Variants in ANKRD26 observed in about 807,000 individuals in gnomAD.
The protein encoded by ANKRD26 is ankyrin repeat domain 26, also known as ankyrin repeat domain-containing protein 26.
ANKRD26 carries 141 observed loss-of-function variants against 208.7 expected under a neutral mutation model. The observed-to-expected ratio is 0.68, with a 90% CI of 0.59 to 0.78. The LOEUF (loss-of-function observed/expected upper bound fraction) is 0.78. ANKRD26 is among the 30% of genes least tolerant of loss of function. The pLI, the probability that ANKRD26 is intolerant of heterozygous loss-of-function variation, is 0.00. For synonymous variants in ANKRD26, 636 were observed against 660.4 expected, an observed-to-expected ratio of 0.96 and a Z score of 0.57; for missense variants, 1,889 against 1,938.7, an observed-to-expected ratio of 0.97 and a Z score of 0.48.
the ANKRD26 span, among the ~76,000 whole-genome samples, chr10:26,957,411 CAAAA>C: frequency 6.6e-6 from 1 of 151,914 alleles, no homozygotes; most frequent in Non-Finnish European, 1.5e-5. Context: ...ATAAAACAGA[CAAAA>C]AGAAAGACGA....
the ANKRD26 span, among the ~76,000 whole-genome samples, chr10:26,955,373 A>G: frequency 3.3e-5 from 5 of 152,122 alleles, no homozygotes; most frequent in African/African-American, 1.2e-4. Context: ...GGTTGCAGTG[A>G]GCCGAGATCG....
At chr10:26,980,702 T>C (rs981891966) in exon 5 of ANKRD26, among the ~76,000 whole-genome samples, 3 of 152,120 alleles carry the variant, frequency 2.0e-5, no homozygotes, top group Middle Eastern at 3.2e-3. Flanking sequence ...GACGGAGTTG[T>C]AGAAGTAGAC....
At position 27,028,851 on chromosome 10, in the gene ANKRD26, C is replaced by T. The variant is rs1323620709; in HGVS notation, c.3972+1G>A. The T allele has an allele frequency of 1.9e-6, 3 of 1,611,922 alleles. No individual in the cohort carries two copies. Among genetic ancestry groups the T allele is most frequent in the Non-Finnish European group, 2.5e-6 (3 of 1,178,414 alleles). Reference sequence around the variant, plus strand: ...CGACAGAAATTAAGTGGCTGACTTACCAAATTTGCATTTAACAGGTTTTTC... The same window carrying T: ...CGACAGAAATTAAGTGGCTGACTTATCAAATTTGCATTTAACAGGTTTTTC... On this transcript the variant is annotated splice_donor_variant, in intron 27 of 33. Coordinates refer to ENST00000376087, the MANE Select transcript of ANKRD26 (RefSeq NM_014915.3). LOFTEE classifies it high-confidence loss of function.
chr10:27,035,585 G>A lies in ANKRD26; in HGVS notation c.2865C>T (p.Asp955=). Residue 955 remains aspartate (D), a synonymous_variant, in exon 24 of 34, where the codon GAC becomes GAT. Transcript: ENST00000376087. The part of the protein sequence containing the change: ...DLKIVKEKNE[D]LQKTIKQNEE... Reference sequence around the variant, plus strand: ...CATTCTGTTTTATAGTCTTCTGAAGGTCTTCATTCTTTTCTTTTACAATTT... The same window carrying A: ...CATTCTGTTTTATAGTCTTCTGAAGATCTTCATTCTTTTCTTTTACAATTT... 1 of 1,608,526 alleles carries A rather than the reference G, an allele frequency of 6.2e-7. No individual in the cohort carries two copies.
chr10:27,072,343 G>A (rs564664290), intron 9 of ANKRD26, among the ~76,000 whole-genome samples: 1 of 152,318 alleles, frequency 6.6e-6, no homozygotes, highest in African/African-American at 2.4e-5. Flanking sequence ...TTGTGCAGCA[G>A]AGGCAGCTGA....
At chr10:27,001,830 G>A (rs1003918103), downstream of ANKRD26, among the ~76,000 whole-genome samples, 11 of 152,176 alleles carry the variant, frequency 7.2e-5, no homozygotes, top group Non-Finnish European at 1.2e-4. Context: ...TTTTCAGGCT[G>A]CTCCTTGTTA....
chr10:27,042,176 G>C (rs1285022587), intron 20 of ANKRD26, among the ~76,000 whole-genome samples: 1 of 152,132 alleles, frequency 6.6e-6, no homozygotes, highest in African/African-American at 2.4e-5. Flanking sequence ...TTTGACAAAG[G>C]CACAATGGCA....
At chr10:27,085,832 T>C (rs2056096240) in intron 5 of ANKRD26, among the ~76,000 whole-genome samples, 1 of 152,326 alleles carries the variant, frequency 6.6e-6, no homozygotes, top group Non-Finnish European at 1.5e-5. Context: ...CTACTCAACA[T>C]GATGACAACC....
At chr10:27,062,565 A>G (rs2055096565) in intron 12 of ANKRD26, among the ~76,000 whole-genome samples, 1 of 152,174 alleles carries the variant, frequency 6.6e-6, no homozygotes, top group East Asian at 1.9e-4. Context: ...TTTATGTTAG[A>G]TTGCCCTCTT....
In ANKRD26 at chr10:27,063,988, C is replaced by G; in HGVS notation, c.1363G>C (p.Asp455His). ...EKNIGNEQAE[D>H]VFYIPSCMSG... ...TTTAAAAATGAAATATAGCTCTTAC[C>G]TTCTGCTTGTTCATTTCCTATATTT... is the stretch of plus-strand genomic sequence containing the variant. The change falls in exon 12 of 34, where the codon GAT becomes CAT. Residue 455 changes from aspartate (D) to histidine (H), a missense_variant and splice_region_variant. Asp to His is a moderately conservative substitution (Grantham distance 81, BLOSUM62 -1). Coordinates refer to ENST00000376087, the MANE Select transcript of ANKRD26 (RefSeq NM_014915.3). The G allele has an allele frequency of 1.2e-6, 2 of 1,601,804 alleles. No homozygotes were observed. The highest frequency in any genetic ancestry group is 1.7e-6 in the Non-Finnish European group (2 of 1,172,220).
intron 28 of ANKRD26, among the ~76,000 whole-genome samples, chr10:27,023,255 T>C (rs1028551106): frequency 6.6e-6 from 1 of 151,232 alleles, no homozygotes; most frequent in East Asian, 1.9e-4. Flanking sequence ...GCCAGGAGAA[T>C]GGCTTGAACC....
At chr10:27,048,694 C>T in intron 17 of ANKRD26, 107 bp downstream of exon 17, 3 of 1,193,932 alleles carry the variant, frequency 2.5e-6, no homozygotes, top group Non-Finnish European at 3.6e-6. Flanking sequence ...GTTGCATATC[C>T]CTTGCATAGT....
intron 32 of ANKRD26, among the ~76,000 whole-genome samples, chr10:27,008,926 G>C (rs1185777700): frequency 6.6e-6 from 1 of 152,050 alleles, no homozygotes; most frequent in African/African-American, 2.4e-5. Context: ...TGTAACCTCT[G>C]CCTCCTGGGT....
intron 24 of ANKRD26, 62 bp from the exon 25 acceptor site, chr10:27,033,439 T>C (rs1038542685): frequency 1.4e-5 from 20 of 1,468,124 alleles, no homozygotes; most frequent in Non-Finnish European, 1.9e-5. Flanking sequence ...TGTTAAAAAA[T>C]AAATTATGTT....
rs771599758 is a variant in ANKRD26 at position 27,040,108 on chromosome 10, A to AT, written c.2231dup (p.Asn744LysfsTer4). 1.1e-5 allele frequency: 17 copies of AT among 1,612,546 alleles called. No individual in the cohort carries two copies. Among genetic ancestry groups the AT allele is most frequent in the African/African-American group, 2.7e-5 (2 of 74,834 alleles). On this transcript the variant is annotated frameshift_variant, in exon 21 of 34. Transcript: ENST00000376087. LOFTEE classifies it high-confidence loss of function. ...TTTTTACTGTAAGTAGTTCACAGTG[A>AT]TTTTTTTTAAGTTCTAATAATCTTT...
chr10:27,056,384 G>A (rs974669592), intron 15 of ANKRD26, among the ~76,000 whole-genome samples: 2 of 151,962 alleles, frequency 1.3e-5, no homozygotes, highest in African/African-American at 4.8e-5. Context: ...CACCATGTGG[G>A]CCAGGCTGGT....
chr10:27,019,358 T>C (rs760198919), intron 29 of ANKRD26, among the ~76,000 whole-genome samples: 4 of 151,896 alleles, frequency 2.6e-5, no homozygotes, highest in Non-Finnish European at 5.9e-5. Context: ...GCAAAGGAAA[T>C]AATTAATAGA....
At chr10:27,010,373 C>T (rs553338133) in intron 32 of ANKRD26, among the ~76,000 whole-genome samples, 3 of 152,352 alleles carry the variant, frequency 2.0e-5, no homozygotes, top group African/African-American at 7.2e-5. Context: ...TCTTCCCTTA[C>T]ATTGCGTATC....
the ANKRD26 span, among the ~76,000 whole-genome samples, chr10:26,955,434 A>T: frequency 1.5e-3 from 227 of 152,176 alleles, no homozygotes; most frequent in African/African-American, 5.0e-3. Flanking sequence ...ATCTCAAAAA[A>T]AAAAATATAT....
Sources: gnomAD v4.1 joint callset for allele counts (sites outside exome capture counted in the v4.1 genomes callset) on GRCh38, gnomAD v4.1.1 for gene constraint, MANE v1.5 for transcripts, NCBI Gene and HGNC (gene_info 2026-07-23, HGNC 2026-07-21) for gene names.